Variants in UBE2A observed in about 807,000 individuals in gnomAD.
The protein encoded by UBE2A is ubiquitin conjugating enzyme E2 A.
For missense variants in UBE2A, 27 were observed against 125.8 expected (o/e 0.21, Z 3.76); for synonymous variants, 39 against 41.1 (o/e 0.95, Z 0.20).
chrX:119,575,147 C>T (rs2053406572), intron 2 of UBE2A, 166 bp downstream of exon 2: 2 of 781,749 alleles, frequency 2.6e-6, no homozygotes, highest in Non-Finnish European at 3.8e-6. Flanking sequence ...AGCTCAGTTC[C>T]CGCTGCCAGG....
chrX:119,582,465 G>C (rs1025076492), intron 4 of UBE2A, 123 bp from the exon 5 acceptor site: 4 of 461,096 alleles, frequency 8.7e-6, no homozygotes, highest in Non-Finnish European at 1.1e-5. Flanking sequence ...CAGTTAACTG[G>C]GAAGCAACAT....
chrX:119,576,223 A>G lies in UBE2A; in HGVS notation c.151+823A>G, dbSNP rs369149077. On this transcript the variant is annotated intron_variant, in intron 3 of 5. Transcript: ENST00000371558. ...TTCATATGCAGTTGCAAGAAATAAT[A>G]GAGACACCCTTTATACCCTTAACCC... 3.7e-4 allele frequency among the ~76,000 whole-genome samples: 41 copies of G among 111,830 alleles called. No homozygotes were observed. In the East Asian group the frequency reaches 0.01, roughly 28 times the overall value.
chrX:119,582,429 T>C (rs1333115107), intron 4 of UBE2A, 159 bp from the exon 5 acceptor site: 5 of 395,072 alleles, frequency 1.3e-5, no homozygotes, highest in Non-Finnish European at 1.8e-5. Flanking sequence ...ATTTCACTAG[T>C]GGTGGTTATG....
intron 4 of UBE2A, chrX:119,582,329 GA>G: frequency 4.7e-6 from 1 of 212,072 alleles, no homozygotes; most frequent in Non-Finnish European, 8.6e-6. Flanking sequence ...TGATTTCCTG[GA>G]TAATAGGGCA....
At chrX:119,579,143 CATAA>C (rs1281380972) in intron 3 of UBE2A, among the ~76,000 whole-genome samples, 1 of 112,028 alleles carries the variant, frequency 8.9e-6, no homozygotes, top group Non-Finnish European at 1.9e-5. Context: ...TTCAAGTAGA[CATAA>C]ATAGGTTGCT....
At chrX:119,575,937 A>G (rs1189861429) in intron 3 of UBE2A, 1 of 117,323 alleles carries the variant, frequency 8.5e-6, no homozygotes, top group African/African-American at 3.2e-5. Context: ...ATGGTCTTAA[A>G]TGCCTCATTT....
rs903209387 is a variant in UBE2A, at chrX:119,584,310, A to G, written c.*1055A>G. On this transcript the variant is annotated 3_prime_UTR_variant, in exon 6 of 6. Coordinates refer to ENST00000371558, the MANE Select transcript of UBE2A (RefSeq NM_003336.4). ...TTGTAAATGTTTTGTCTAATGTTCT[A>G]TTGTCACCTTTTATGCATTTATCAC... is the stretch of plus-strand genomic sequence containing the variant. 11 of 111,470 alleles carry G rather than the reference A, an allele frequency of 9.9e-5. No individual in the cohort carries two copies. The highest frequency in any genetic ancestry group is 3.3e-4 in the African/African-American group (10 of 30,610). 9.2% of individuals were successfully genotyped at this position (111,470 alleles called of 1,213,427 possible).
intron 4 of UBE2A, among the ~76,000 whole-genome samples, 157 bp downstream of exon 4, chrX:119,581,753 G>A (rs981075744): frequency 8.9e-6 from 1 of 112,285 alleles, no homozygotes; most frequent in African/African-American, 3.2e-5. Context: ...TGGCTGTCTT[G>A]TCCTAGAACT....
At chrX:119,576,344 T>C (rs1247586691) in intron 3 of UBE2A, among the ~76,000 whole-genome samples, 2 of 111,067 alleles carry the variant, frequency 1.8e-5, no homozygotes, top group Non-Finnish European at 3.8e-5. Flanking sequence ...CACTCAGTTG[T>C]GTGTGTGTGT....
chrX:119,576,664 T>C (rs775027578), intron 3 of UBE2A, among the ~76,000 whole-genome samples: 5 of 111,925 alleles, frequency 4.5e-5, no homozygotes, highest in Non-Finnish European at 9.4e-5. Flanking sequence ...AAGTCTGTAA[T>C]TCATCTCAAG....
At chrX:119,579,958 A>G (rs1013015180) in intron 3 of UBE2A, among the ~76,000 whole-genome samples, 1 of 111,952 alleles carries the variant, frequency 8.9e-6, no homozygotes, top group Non-Finnish European at 1.9e-5. Flanking sequence ...TATAGTGTCA[A>G]TAAATACTGA....
chrX:119,576,364 T>C (rs180711141), intron 3 of UBE2A, among the ~76,000 whole-genome samples: 1 of 111,457 alleles, frequency 9.0e-6, no homozygotes, highest in Non-Finnish European at 1.9e-5. Context: ...TGGTTGTTTT[T>C]TGAAAGTTTA....
In UBE2A at chrX:119,583,461, C is replaced by T. The variant is rs977624501; in HGVS notation, c.*206C>T. On this transcript the variant is annotated 3_prime_UTR_variant, in exon 6 of 6. Coordinates refer to ENST00000371558, the MANE Select transcript of UBE2A (RefSeq NM_003336.4). ...CTCTATGAAATCAAATGTACTGTACCTGGGTTACTTGCAAAAATTACTAAT... is the reference window on the plus strand; with the variant it reads ...CTCTATGAAATCAAATGTACTGTACTTGGGTTACTTGCAAAAATTACTAAT... 5 of 454,275 alleles carry T rather than the reference C, an allele frequency of 1.1e-5. No individual in the cohort carries two copies. Among genetic ancestry groups the T allele is most frequent in the Non-Finnish European group, 1.4e-5 (4 of 282,741 alleles). The allele number at this position is 454,275 out of a possible 1,213,427, so 37.4% of individuals were successfully genotyped here.
At chrX:119,574,789 C>T (rs747310210) in intron 1 of UBE2A, 34 bp downstream of exon 1, 15 of 1,182,639 alleles carry the variant, frequency 1.3e-5, no homozygotes, top group Non-Finnish European at 1.7e-5. Flanking sequence ...CCGGGGGTTG[C>T]GAGCTGGGGC....
At chrX:119,575,117 C>A in intron 2 of UBE2A, 136 bp downstream of exon 2, 1 of 870,676 alleles carries the variant, frequency 1.1e-6, no homozygotes, top group East Asian at 3.3e-5. Flanking sequence ...AGGCGCCTCC[C>A]CGGAGCCTGT....
At chrX:119,575,098 G>T (rs2053405907) in intron 2 of UBE2A, 117 bp downstream of exon 2, 1 of 973,053 alleles carries the variant, frequency 1.0e-6, no homozygotes, top group East Asian at 3.2e-5. Context: ...TTTGGGTCTG[G>T]CTGGGCCTAG....
chrX:119,575,066 G>A, intron 2 of UBE2A, 85 bp downstream of exon 2: 3 of 1,116,719 alleles, frequency 2.7e-6, no homozygotes, highest in Non-Finnish European at 3.7e-6. Context: ...CCCCGCGGAG[G>A]CCGAGCGGGT....
intron 3 of UBE2A, among the ~76,000 whole-genome samples, chrX:119,577,301 T>C (rs780911143): frequency 3.6e-5 from 4 of 112,002 alleles, no homozygotes; most frequent in Non-Finnish European, 7.5e-5. Context: ...CTTGTTTTCA[T>C]TGGCTTCTTT....
chrX:119,582,829 T>C (rs2053458599), intron 5 of UBE2A, among the ~76,000 whole-genome samples, 153 bp downstream of exon 5: 1 of 111,167 alleles, frequency 9.0e-6, no homozygotes, highest in Non-Finnish European at 1.9e-5. Flanking sequence ...AAGACCCAAG[T>C]CAGCTGGGTA....
Sources: allele counts gnomAD v4.1 joint callset (sites outside exome capture counted in the v4.1 genomes callset), GRCh38; gene constraint gnomAD v4.1.1; transcripts MANE v1.5; gene names NCBI Gene and HGNC (gene_info 2026-07-23, HGNC 2026-07-21).